Variants in PDE3A observed in about 807,000 individuals in gnomAD.
The protein encoded by PDE3A is phosphodiesterase 3A.
In PDE3A, 43 loss-of-function variants were observed where a neutral mutation model predicts 98.3. The ratio of observed to expected loss-of-function variants is 0.44; its 90% CI spans 0.34 to 0.56. The LOEUF is 0.56. PDE3A is among the 20% of genes least tolerant of loss of function. The probability of loss-of-function intolerance (pLI) is 0.01; values close to 1 mark genes in which losing one functional copy is unlikely to be tolerated. For missense variants in PDE3A, 1,427 were observed against 1,440.7 expected, an observed-to-expected ratio of 0.99 and a Z score of 0.15; for synonymous variants, 663 against 567.9, an observed-to-expected ratio of 1.17 and a Z score of -2.38.
At chr12:20,398,534 C>T (rs994216057) in intron 1 of PDE3A, among the ~76,000 whole-genome samples, 34 of 151,914 alleles carry the variant, frequency 2.2e-4, no homozygotes, top group Non-Finnish European at 5.9e-5. Context: ...AAAAAAACTG[C>T]ACTTATTTTT....
At chr12:20,469,469 C>T (rs1945399311) in intron 1 of PDE3A, among the ~76,000 whole-genome samples, 1 of 152,182 alleles carries the variant, frequency 6.6e-6, no homozygotes, top group Non-Finnish European at 1.5e-5. Context: ...TTTCTAGCCT[C>T]CCACTCTCTA....
intron 2 of PDE3A, among the ~76,000 whole-genome samples, chr12:20,606,504 G>C (rs1943712239): frequency 2.0e-5 from 3 of 152,016 alleles, no homozygotes; most frequent in Admixed American, 1.3e-4. Context: ...CATATTCGAA[G>C]ATTTCCCTTT....
At chr12:20,484,973 A>G (rs1945699557) in intron 1 of PDE3A, among the ~76,000 whole-genome samples, 1 of 152,196 alleles carries the variant, frequency 6.6e-6, no homozygotes, top group Non-Finnish European at 1.5e-5. Context: ...CATTCTTAAT[A>G]TGTTTAGAGA....
At chr12:20,574,415 A>G (rs1050553112) in intron 2 of PDE3A, among the ~76,000 whole-genome samples, 1 of 152,142 alleles carries the variant, frequency 6.6e-6, no homozygotes, top group African/African-American at 2.4e-5. Flanking sequence ...CACTGAATGT[A>G]TACGTGACCT....
At chr12:20,671,195 T>C (rs904031697) in intron 15 of PDE3A, among the ~76,000 whole-genome samples, 3 of 147,880 alleles carry the variant, frequency 2.0e-5, no homozygotes, top group Non-Finnish European at 4.4e-5. Context: ...TCTGAAATTG[T>C]GGCAATAATC....
chr12:20,640,680 A>G (rs533481623), intron 10 of PDE3A, among the ~76,000 whole-genome samples: 1 of 152,098 alleles, frequency 6.6e-6, no homozygotes, highest in Non-Finnish European at 1.5e-5. Context: ...TTAAATTTTC[A>G]TTATGTAGCA....
intron 2 of PDE3A, among the ~76,000 whole-genome samples, chr12:20,585,624 T>C (rs1190440018): frequency 7.5e-6 from 1 of 133,962 alleles, no homozygotes; most frequent in Admixed American, 8.1e-5. Flanking sequence ...GTCTCACTTA[T>C]CAAGCTTTTG....
chr12:20,670,387 G>C (rs916292713), intron 15 of PDE3A, among the ~76,000 whole-genome samples: 1 of 151,226 alleles, frequency 6.6e-6, no homozygotes, highest in Non-Finnish European at 1.5e-5. Flanking sequence ...CAAATCAATA[G>C]AATATACATT....
rs1399649463 is a variant in PDE3A at position 20,506,261 on chromosome 12, A to T, written c.961-50399A>T. On this transcript the variant is annotated intron_variant, in intron 1 of 15. Coordinates refer to ENST00000359062, the MANE Select transcript of PDE3A (RefSeq NM_000921.5). ...TAACCCATGTGAAAATTAACACTTC[A>T]GATTGTTTCCTTGGAAGTTATACTA... Among the ~76,000 whole-genome samples, 3 of 152,016 alleles carry T rather than the reference A, an allele frequency of 2.0e-5. No individual in the cohort carries two copies. The East Asian group carries it at 5.8e-4, about 29-fold the overall frequency.
At chr12:20,589,482 G>C (rs917009519) in intron 2 of PDE3A, among the ~76,000 whole-genome samples, 1 of 152,122 alleles carries the variant, frequency 6.6e-6, no homozygotes, top group Non-Finnish European at 1.5e-5. Flanking sequence ...AGAAGTAGAA[G>C]GTTTGCTGGC....
At chr12:20,491,795 G>T (rs1236320363) in intron 1 of PDE3A, among the ~76,000 whole-genome samples, 2 of 152,282 alleles carry the variant, frequency 1.3e-5, no homozygotes, top group East Asian at 3.9e-4. Flanking sequence ...GCCTTAGCTA[G>T]GTTACTCTAC....
intron 5 of PDE3A, among the ~76,000 whole-genome samples, chr12:20,627,145 T>TAAAA (rs66734223): frequency 6.0e-5 from 8 of 134,002 alleles, no homozygotes; most frequent in African/African-American, 1.1e-4. Flanking sequence ...ATTGTTCTGT[T>TAAAA]AAAAAAAAAA....
In PDE3A at chr12:20,684,074, T is replaced by G. The variant is rs538805514; in HGVS notation, c.*3803T>G. The G allele has an allele frequency of 6.6e-6, 1 of 152,124 alleles. No homozygotes were observed. The highest frequency in any genetic ancestry group is 1.5e-5 in the Non-Finnish European group (1 of 67,996). The allele number at this position is 152,124 out of a possible 1,614,324, so 9.4% of individuals were successfully genotyped here. A position where few individuals can be genotyped will look rare whatever the true frequency, so the allele number is the denominator to read the frequency against. ...AATAAAAGTATAAAAATTATCATTATAAATAAAGTCTAAAGTTTGAAATTA... is the reference window on the plus strand; with the variant it reads ...AATAAAAGTATAAAAATTATCATTAGAAATAAAGTCTAAAGTTTGAAATTA... On this transcript the variant is annotated 3_prime_UTR_variant, in exon 16 of 16. Coordinates refer to ENST00000359062, the MANE Select transcript of PDE3A (RefSeq NM_000921.5).
Position 20,378,400 on chromosome 12 carries a change from T to C in PDE3A, c.960+8156T>C, listed in dbSNP as rs60593141. Among the ~76,000 whole-genome samples, 712 of 151,888 alleles carry C rather than the reference T, an allele frequency of 4.7e-3. 31 individuals carry two copies. The East Asian group carries it at 0.1, about 22-fold the overall frequency. On this transcript the variant is annotated intron_variant, in intron 1 of 15. Coordinates refer to ENST00000359062, the MANE Select transcript of PDE3A (RefSeq NM_000921.5). ...GCATTTTACTTTATATATAGATATA[T>C]AGATTAACTTTTAAAAATACATTTA... is the stretch of plus-strand genomic sequence containing the variant.
chr12:20,409,335 A>C (rs1434581979), intron 1 of PDE3A, among the ~76,000 whole-genome samples: 1 of 152,108 alleles, frequency 6.6e-6, no homozygotes, highest in Non-Finnish European at 1.5e-5. Flanking sequence ...AATTGTGGTC[A>C]TTTCTACAAC....
intron 10 of PDE3A, 27 bp from the exon 11 acceptor site, chr12:20,646,463 A>C (rs1300592059): frequency 1.6e-6 from 2 of 1,230,274 alleles, no homozygotes. Flanking sequence ...TCATAAACTG[A>C]TGACTGTTCC....
At chr12:20,386,050 A>ATAAATATATAT (rs71039939) in intron 1 of PDE3A, among the ~76,000 whole-genome samples, 2 of 34,122 alleles carry the variant, frequency 5.9e-5, no homozygotes, top group Non-Finnish European at 1.2e-4. Flanking sequence ...AAATATATAT[A>ATAAATATATAT]AATATATATA....
At chr12:20,419,738 A>ATTTTTT (rs34873079) in intron 1 of PDE3A, among the ~76,000 whole-genome samples, 3 of 132,674 alleles carry the variant, frequency 2.3e-5, no homozygotes, top group African/African-American at 5.6e-5. Context: ...TTAATATTGT[A>ATTTTTT]TTTTTTTTTT....
intron 5 of PDE3A, among the ~76,000 whole-genome samples, chr12:20,628,585 T>G (rs1320554633): frequency 6.6e-6 from 1 of 152,154 alleles, no homozygotes; most frequent in Non-Finnish European, 1.5e-5. Flanking sequence ...TCTCTGGGTC[T>G]AAGTGGTTTC....
Sources: allele counts gnomAD v4.1 joint callset (sites outside exome capture counted in the v4.1 genomes callset), GRCh38; gene constraint gnomAD v4.1.1; transcripts MANE v1.5; gene names NCBI Gene and HGNC (gene_info 2026-07-23, HGNC 2026-07-21).